The following NLGN1 variants were observed in gnomAD, a reference collection of about 807,000 sequenced individuals.
NLGN1 encodes the protein neuroligin 1.
Under a neutral mutation model 65.5 loss-of-function variants are expected in NLGN1, and 12 were observed. The observed-to-expected ratio is 0.18, with a 90% CI of 0.12 to 0.30. The LOEUF is 0.30. Ranked by LOEUF, NLGN1 falls within the 10% of genes least tolerant of loss-of-function variation. The pLI, the probability that NLGN1 is intolerant of heterozygous loss-of-function variation, is 1.00. For synonymous variants in NLGN1, 350 were observed against 359.5 expected (o/e 0.97, Z 0.30); for missense variants, 750 against 1,007.1 (o/e 0.74, Z 3.46).
intron 3 of NLGN1, among the ~76,000 whole-genome samples, chr3:173,688,660 C>A (rs765722435): frequency 2.4e-4 from 36 of 152,178 alleles, no homozygotes; most frequent in Non-Finnish European, 4.0e-4. Context: ...TGGTCTCTTA[C>A]TTCAACTGGA....
At chr3:173,813,816 A>T (rs1477127643) in intron 4 of NLGN1, among the ~76,000 whole-genome samples, 1 of 152,230 alleles carries the variant, frequency 6.6e-6, no homozygotes, top group Non-Finnish European at 1.5e-5. Context: ...CCAGAAAAAA[A>T]TACGCAAATA....
chr3:173,843,504 T>G (rs541212167), intron 4 of NLGN1, among the ~76,000 whole-genome samples: 21 of 152,346 alleles, frequency 1.4e-4, no homozygotes, highest in African/African-American at 3.4e-4. Flanking sequence ...AGTCACCTCT[T>G]GAATGCTTTG....
intron 2 of NLGN1, among the ~76,000 whole-genome samples, chr3:173,575,755 T>A (rs1180436736): frequency 6.6e-6 from 1 of 152,204 alleles, no homozygotes. Context: ...TTCTTTCATG[T>A]TGTTTTTAAG....
chr3:174,176,154 T>C (rs1475217003), intron 4 of NLGN1, among the ~76,000 whole-genome samples: 3 of 151,922 alleles, frequency 2.0e-5, no homozygotes, highest in Admixed American at 6.6e-5. Context: ...TTACAAGTCA[T>C]GTTGGGAAGT....
chr3:174,277,940 ATAAAC>A (rs1430498343), intron 5 of NLGN1, among the ~76,000 whole-genome samples: 2 of 151,984 alleles, frequency 1.3e-5, no homozygotes, highest in African/African-American at 4.8e-5. Flanking sequence ...GTAAAAGAAA[ATAAAC>A]TATATTTTTA....
intron 3 of NLGN1, among the ~76,000 whole-genome samples, chr3:173,662,105 A>G (rs1761011145): frequency 6.6e-6 from 1 of 152,020 alleles, no homozygotes; most frequent in Admixed American, 6.6e-5. Flanking sequence ...CCACTGAAGG[A>G]TAAACAAGTT....
chr3:174,016,408 G>A (rs1726563392), intron 4 of NLGN1, among the ~76,000 whole-genome samples: 1 of 152,164 alleles, frequency 6.6e-6, no homozygotes, highest in Non-Finnish European at 1.5e-5. Context: ...GATTCACACA[G>A]CATTGCAATG....
intron 3 of NLGN1, among the ~76,000 whole-genome samples, chr3:173,723,305 A>T (rs1169146879): frequency 6.6e-6 from 1 of 152,216 alleles, no homozygotes; most frequent in African/African-American, 2.4e-5. Context: ...TCATTATTTT[A>T]TGTGTAACTA....
At chr3:173,701,893 G>C (rs1462536598) in intron 3 of NLGN1, among the ~76,000 whole-genome samples, 1 of 152,196 alleles carries the variant, frequency 6.6e-6, no homozygotes, top group African/African-American at 2.4e-5. Flanking sequence ...AATTTCTACT[G>C]TGCTGCCTTT....
At chr3:173,649,411 CATACATATGTCA>C (rs918557938) in intron 3 of NLGN1, among the ~76,000 whole-genome samples, 1 of 152,016 alleles carries the variant, frequency 6.6e-6, no homozygotes, top group Admixed American at 6.6e-5. Flanking sequence ...ATATACATGT[CATACATATGTCA>C]ATACATATGT....
chr3:173,641,339 A>T (rs1287769819), intron 3 of NLGN1, among the ~76,000 whole-genome samples: 1 of 152,074 alleles, frequency 6.6e-6, no homozygotes, highest in Non-Finnish European at 1.5e-5. Context: ...TTTTAGATGG[A>T]ATCTCCTTCT....
chr3:173,561,592 A>ATACT (rs1188563288), intron 2 of NLGN1, among the ~76,000 whole-genome samples: 1 of 152,194 alleles, frequency 6.6e-6, no homozygotes, highest in Non-Finnish European at 1.5e-5. Context: ...TATATGTGGT[A>ATACT]ATAATATAGA....
chr3:173,787,865 C>G (rs1711558247), intron 3 of NLGN1, among the ~76,000 whole-genome samples: 1 of 152,162 alleles, frequency 6.6e-6, no homozygotes, highest in African/African-American at 2.4e-5. Context: ...CAAGCAATTG[C>G]TTCTTGCAGT....
intron 2 of NLGN1, among the ~76,000 whole-genome samples, chr3:173,507,975 A>G (rs758997944): frequency 7.9e-5 from 12 of 152,202 alleles, no homozygotes; most frequent in African/African-American, 2.9e-4. Flanking sequence ...ATACTACCTC[A>G]TTAATTGAGA....
At chr3:173,932,340 C>G (rs1375230143) in intron 4 of NLGN1, among the ~76,000 whole-genome samples, 1 of 151,986 alleles carries the variant, frequency 6.6e-6, no homozygotes, top group Non-Finnish European at 1.5e-5. Context: ...TAATCTATAA[C>G]TCCTCTTTCA....
At chr3:173,789,853 C>T in intron 3 of NLGN1, 1 of 513,540 alleles carries the variant, frequency 1.9e-6, no homozygotes, top group South Asian at 1.4e-5. Flanking sequence ...CTATATTTTT[C>T]CCAACTGCCT....
At chr3:174,146,112 C>CCTTT (rs1723197405) in intron 4 of NLGN1, among the ~76,000 whole-genome samples, 2 of 130,142 alleles carry the variant, frequency 1.5e-5, no homozygotes, top group Non-Finnish European at 3.2e-5. Flanking sequence ...TTCCTTCCTT[C>CCTTT]CTTCCTTCCT....
At chr3:173,909,653 CATTTATTT>C (rs547453207) in intron 4 of NLGN1, among the ~76,000 whole-genome samples, 1 of 152,062 alleles carries the variant, frequency 6.6e-6, no homozygotes, top group Non-Finnish European at 1.5e-5. Flanking sequence ...CTCCCCACAG[CATTTATTT>C]ATTTATTTAT....
chr3:173,504,248 G>A (rs1731632099), intron 2 of NLGN1, among the ~76,000 whole-genome samples: 1 of 152,046 alleles, frequency 6.6e-6, no homozygotes, highest in African/African-American at 2.4e-5. Flanking sequence ...TAGTTATTGA[G>A]TGTAATCCAC....
Sources: gnomAD v4.1 joint callset for allele counts (sites outside exome capture counted in the v4.1 genomes callset) on GRCh38, gnomAD v4.1.1 for gene constraint, MANE v1.5 for transcripts, NCBI Gene and HGNC (gene_info 2026-07-23, HGNC 2026-07-21) for gene names.